SNTG2: variants seen among roughly 807,000 people sequenced by gnomAD.
SNTG2 encodes gamma-2-syntrophin.
In SNTG2, 74 loss-of-function variants were observed where a neutral mutation model predicts 70.9. The ratio of observed to expected loss-of-function variants is 1.04; its 90% CI spans 0.86 to 1.27. The LOEUF (loss-of-function observed/expected upper bound fraction) is 1.27, where lower values mean the gene tolerates loss of function less well. SNTG2 is among the 50% of genes most tolerant of loss of function. The pLI, the probability that SNTG2 is intolerant of heterozygous loss-of-function variation, is 0.00. For missense variants in SNTG2, 717 were observed against 690.7 expected (o/e 1.04, Z -0.43); for synonymous variants, 278 against 273.8 (o/e 1.02, Z -0.15).
chr2:1,070,559 C>T (rs900671959), intron 1 of SNTG2, among the ~76,000 whole-genome samples: 14 of 152,244 alleles, frequency 9.2e-5, no homozygotes, highest in Admixed American at 7.2e-4. Context: ...GAGGGAAGTC[C>T]GGCTCACAAA....
intron 1 of SNTG2, among the ~76,000 whole-genome samples, chr2:1,030,568 A>G (rs1008241329): frequency 6.6e-6 from 1 of 152,156 alleles, no homozygotes; most frequent in African/African-American, 2.4e-5. Flanking sequence ...TACTTTGGCC[A>G]TGTCAGTCAT....
At chr2:1,312,532 C>T (rs1449440325) in intron 15 of SNTG2, among the ~76,000 whole-genome samples, 1 of 152,228 alleles carries the variant, frequency 6.6e-6, no homozygotes. Context: ...AGTCCTCAGC[C>T]TCCACGGATC....
intron 9 of SNTG2, among the ~76,000 whole-genome samples, chr2:1,211,365 A>G (rs1674027011): frequency 6.6e-6 from 1 of 152,198 alleles, no homozygotes; most frequent in African/African-American, 2.4e-5. Flanking sequence ...TTCCTAGCCC[A>G]TCTGCCATTG....
intron 8 of SNTG2, among the ~76,000 whole-genome samples, chr2:1,203,510 C>T (rs1166467766): frequency 6.6e-6 from 1 of 151,258 alleles, no homozygotes; most frequent in Non-Finnish European, 1.5e-5. Context: ...AAAAAAAAGC[C>T]AGGCATGGTG....
At chr2:1,117,493 G>T (rs2148278103) in intron 4 of SNTG2, among the ~76,000 whole-genome samples, 1 of 152,240 alleles carries the variant, frequency 6.6e-6, no homozygotes, top group East Asian at 1.9e-4. Context: ...AACATGGCGT[G>T]CAGGGCAGGC....
chr2:1,166,467 TTC>T (rs888063404), intron 7 of SNTG2, among the ~76,000 whole-genome samples: 5 of 152,204 alleles, frequency 3.3e-5, no homozygotes, highest in Non-Finnish European at 5.9e-5. Context: ...CTGTTTTACT[TTC>T]TCTCTCTCTT....
intron 6 of SNTG2, among the ~76,000 whole-genome samples, chr2:1,143,952 AAAAC>A (rs1668931589): frequency 7.9e-6 from 1 of 127,326 alleles, no homozygotes; most frequent in African/African-American, 3.1e-5. Context: ...AAGAGGAAAA[AAAAC>A]AGAAATTTAT....
chr2:1,035,008 A>G (rs1353911481), intron 1 of SNTG2, among the ~76,000 whole-genome samples: 3 of 152,182 alleles, frequency 2.0e-5, no homozygotes, highest in Middle Eastern at 3.2e-3. Context: ...AAATCACACC[A>G]ATCACTCTCT....
chr2:1,341,497 G>T lies in SNTG2; in HGVS notation c.1488+25122G>T, dbSNP rs575841896. On this transcript the variant is annotated intron_variant, in intron 16 of 16. Coordinates refer to ENST00000308624, the MANE Select transcript of SNTG2 (RefSeq NM_018968.4). ...GAAGGTTGTCTTGGCTGCAGACGAA[G>T]TCTCCCAGGTAACCTCCGGGAGCTG... 2.2e-3 allele frequency: 332 copies of T among 152,400 alleles called. 1 individual carries two copies. Among genetic ancestry groups the T allele is most frequent in the South Asian group, 7.1e-3 (34 of 4,822 alleles). The allele number at this position is 152,400 out of a possible 1,614,324, so 9.4% of individuals were successfully genotyped here. A position where few individuals can be genotyped will look rare whatever the true frequency, so the allele number is the denominator to read the frequency against.
chr2:1,317,198 G>A (rs1289470028), intron 16 of SNTG2, among the ~76,000 whole-genome samples: 1 of 92,044 alleles, frequency 1.1e-5, no homozygotes, highest in Non-Finnish European at 2.3e-5. Flanking sequence ...CAGCATTGGA[G>A]AAGGTTGGGA....
chr2:1,333,710 G>A (rs1659651846), intron 16 of SNTG2, among the ~76,000 whole-genome samples: 1 of 152,118 alleles, frequency 6.6e-6, no homozygotes, highest in South Asian at 2.1e-4. Flanking sequence ...TTCAATATAT[G>A]GGTCTGGGAT....
At chr2:1,277,609 A>G (rs548518612) in intron 14 of SNTG2, among the ~76,000 whole-genome samples, 21 of 152,228 alleles carry the variant, frequency 1.4e-4, no homozygotes, top group Non-Finnish European at 2.8e-4. Context: ...GCTTTATTGC[A>G]GTGGTCTAGA....
chr2:1,163,061 G>T (rs764821623), intron 6 of SNTG2, among the ~76,000 whole-genome samples: 3 of 152,238 alleles, frequency 2.0e-5, no homozygotes, highest in Non-Finnish European at 4.4e-5. Flanking sequence ...CAGGATCACA[G>T]GAAGTGGGCA....
intron 2 of SNTG2, among the ~76,000 whole-genome samples, chr2:1,084,329 T>A (rs565415623): frequency 1.3e-5 from 2 of 152,138 alleles, no homozygotes; most frequent in South Asian, 4.1e-4. Context: ...GTATGACGGG[T>A]TTCCCGAGAA....
At position 1,239,720 on chromosome 2, in the gene SNTG2, T is replaced by C. The variant is rs756790445; in HGVS notation, c.850-18T>C. 10 of 1,612,672 alleles carry C rather than the reference T, an allele frequency of 6.2e-6. No homozygotes were observed. In the African/African-American group the frequency reaches 1.2e-4, roughly 19 times the overall value. ...TGTTGGTGGCTGTGGCCCTGACTCT[T>C]CTGCCTTCTCTCCACAGATGAAGAT... On this transcript the variant is annotated intron_variant, in intron 10 of 16. Transcript: ENST00000308624.
chr2:1,141,974 C>T (rs1240103842), intron 6 of SNTG2, among the ~76,000 whole-genome samples: 1 of 152,146 alleles, frequency 6.6e-6, no homozygotes, highest in Non-Finnish European at 1.5e-5. Context: ...TTTTGTCCAC[C>T]ACTCATAGAT....
intron 1 of SNTG2, among the ~76,000 whole-genome samples, chr2:961,351 T>C (rs904099533): frequency 6.6e-6 from 1 of 152,172 alleles, no homozygotes; most frequent in Admixed American, 6.5e-5. Context: ...AGATGGGGTT[T>C]CACAATGTTG....
chr2:1,357,234 G>T (rs181890660), intron 16 of SNTG2, among the ~76,000 whole-genome samples: 9 of 152,240 alleles, frequency 5.9e-5, no homozygotes, highest in Admixed American at 3.3e-4. Context: ...TAATCTTAGA[G>T]AAAAAGATTT....
At chr2:1,092,371 C>T (rs543701787) in intron 2 of SNTG2, among the ~76,000 whole-genome samples, 72 of 152,192 alleles carry the variant, frequency 4.7e-4, no homozygotes, top group African/African-American at 1.5e-3. Context: ...GGAGGGGGAT[C>T]GACGAGGACC....
Sources: allele counts gnomAD v4.1 joint callset (sites outside exome capture counted in the v4.1 genomes callset), GRCh38; gene constraint gnomAD v4.1.1; transcripts MANE v1.5; gene names NCBI Gene and HGNC (gene_info 2026-07-23, HGNC 2026-07-21).